FMN1: variants seen among roughly 807,000 people sequenced by gnomAD.
The protein encoded by FMN1 is formin-1.
A neutral mutation model predicts 132.4 loss-of-function variants in FMN1; 110 were observed. The ratio of observed to expected loss-of-function variants is 0.83; its 90% confidence interval spans 0.71 to 0.97. The LOEUF (loss-of-function observed/expected upper bound fraction) is 0.97. FMN1 is among the 50% of genes least tolerant of loss of function. The pLI is 0.00. For synonymous variants in FMN1, 722 were observed against 651.7 expected (o/e 1.11, Z -1.64); for missense variants, 1,792 against 1,705.3 (o/e 1.05, Z -0.90).
At chr15:32,982,464 CTAA>C (rs2032755661) in intron 7 of FMN1, among the ~76,000 whole-genome samples, 1 of 152,168 alleles carries the variant, frequency 6.6e-6, no homozygotes, top group African/African-American at 2.4e-5. Context: ...AATCCATATA[CTAA>C]TGTTTTTGGT....
chr15:33,043,170 C>T (rs1369324192), intron 6 of FMN1, among the ~76,000 whole-genome samples: 2 of 152,202 alleles, frequency 1.3e-5, no homozygotes, highest in South Asian at 2.1e-4. Flanking sequence ...GAGCAGCGAG[C>T]CATGGTGCCC....
In FMN1 at chr15:32,892,060, C is replaced by A. The variant is rs543803746; in HGVS notation, c.3715-3768G>T. ...GATGCCCTTCCTTTCTTTCTCTTGT[C>A]TGATTGCTCTGGCTAGGACTTCCAG... is the stretch of plus-strand genomic sequence containing the variant. On this transcript the variant is annotated intron_variant, in intron 15 of 20. Transcript: ENST00000616417. 1.2e-3 allele frequency among the ~76,000 whole-genome samples: 179 copies of A among 152,216 alleles called. 1 individual carries two copies. Among genetic ancestry groups the A allele is most frequent in the Non-Finnish European group, 3.1e-4 (21 of 68,016 alleles).
At chr15:33,010,210 G>C (rs1047581893) in intron 6 of FMN1, among the ~76,000 whole-genome samples, 1 of 152,084 alleles carries the variant, frequency 6.6e-6, no homozygotes, top group Non-Finnish European at 1.5e-5. Context: ...AGTCTCAGAA[G>C]GCCAACCACT....
intron 9 of FMN1, among the ~76,000 whole-genome samples, chr15:32,934,619 G>A (rs62000620): frequency 0.16 from 21,866 of 139,552 alleles, 2,202 homozygotes; most frequent in Non-Finnish European, 0.23. Flanking sequence ...TTTTTTTTGG[G>A]TGGGGAGGAC....
chr15:32,883,911 T>C (rs964295978), intron 16 of FMN1, among the ~76,000 whole-genome samples: 2 of 152,194 alleles, frequency 1.3e-5, no homozygotes, highest in African/African-American at 4.8e-5. Context: ...GTACAGAGCA[T>C]GTCCAGGTTT....
rs2056265367 is a variant in FMN1, at chr15:32,772,081, T to C, written c.*2229A>G. 1.3e-5 allele frequency: 2 copies of C among 152,134 alleles called. No homozygotes were observed. The highest frequency in any genetic ancestry group is 4.8e-5 in the African/African-American group (2 of 41,408). The allele number at this position is 152,134 out of a possible 1,614,324, so 9.4% of individuals were successfully genotyped here. On this transcript the variant is annotated 3_prime_UTR_variant, in exon 21 of 21. Coordinates refer to ENST00000616417, the MANE Select transcript of FMN1 (RefSeq NM_001277313.2). ...GCAGGCAAACCTTGCTTTGTAGAAA[T>C]AGGTATTTTACTGCAAAGTTTTAGT...
chr15:32,899,449 C>G (rs938972027), intron 14 of FMN1, among the ~76,000 whole-genome samples: 2 of 152,166 alleles, frequency 1.3e-5, no homozygotes, highest in Admixed American at 6.5e-5. Context: ...CACCCCCCTG[C>G]CCCCCATGGG....
In FMN1 at chr15:32,932,546, T is replaced by A. The variant is rs544319430; in HGVS notation, c.3139-6285A>T. Among the ~76,000 whole-genome samples the A allele has an allele frequency of 6.6e-5, 10 of 152,358 alleles. No homozygotes were observed. In the South Asian group the frequency reaches 2.1e-3, roughly 32 times the overall value. ...ATTTGGAAGGGTGACCTCTTCAATT[T>A]TTTGGAAGAGTTTGAGAAGCACTGC... On this transcript the variant is annotated intron_variant, in intron 9 of 20. Coordinates refer to ENST00000616417, the MANE Select transcript of FMN1 (RefSeq NM_001277313.2).
intron 17 of FMN1, among the ~76,000 whole-genome samples, chr15:32,819,722 G>A (rs1463336549): frequency 6.6e-6 from 1 of 151,928 alleles, no homozygotes; most frequent in Admixed American, 6.6e-5. Flanking sequence ...CAAAAGTTGG[G>A]CATTTAGGAT....
At chr15:32,863,922 C>A (rs1269778916) in intron 16 of FMN1, among the ~76,000 whole-genome samples, 1 of 152,138 alleles carries the variant, frequency 6.6e-6, no homozygotes, top group Non-Finnish European at 1.5e-5. Context: ...TAAGGAATTA[C>A]ATGAAATGCA....
rs373185751 is a variant in FMN1, at chr15:32,823,152, G to GTTTTTTTTTT, written c.3929-18830_3929-18821dup. On this transcript the variant is annotated intron_variant, in intron 17 of 20. Transcript: ENST00000616417. Reference sequence around the variant, plus strand: ...GTCTCAAAGACAGAGAGTTTCTACTGTTTTTTTTTTTTTTTTTTTTTTTTT... The same window carrying GTTTTTTTTTT: ...GTCTCAAAGACAGAGAGTTTCTACTGTTTTTTTTTTTTTTTTTTTTTTTTTTTTTTTTTTT... 7.2e-4 allele frequency among the ~76,000 whole-genome samples: 62 copies of GTTTTTTTTTT among 86,220 alleles called. 4 individuals carry two copies. The highest frequency in any genetic ancestry group is 3.3e-3 in the African/African-American group (61 of 18,744). The allele number at this position is 86,220 out of a possible 152,430, so 56.6% of individuals were successfully genotyped here.
intron 4 of FMN1, among the ~76,000 whole-genome samples, chr15:33,148,146 A>G (rs1250076108): frequency 1.3e-5 from 2 of 152,230 alleles, no homozygotes; most frequent in Non-Finnish European, 1.5e-5. Context: ...ACATATACCC[A>G]TATACCACAT....
At chr15:33,029,884 G>A (rs1255708013) in intron 6 of FMN1, among the ~76,000 whole-genome samples, 1 of 152,230 alleles carries the variant, frequency 6.6e-6, no homozygotes, top group Non-Finnish European at 1.5e-5. Context: ...AAGGCCAGGT[G>A]CGGTGGCTCA....
chr15:32,835,792 T>A (rs1411466788), intron 17 of FMN1, among the ~76,000 whole-genome samples: 3 of 152,206 alleles, frequency 2.0e-5, no homozygotes, highest in Non-Finnish European at 4.4e-5. Context: ...TGTAAAGTCA[T>A]GAAAATAAGA....
chr15:32,958,908 G>A (rs1311075319), intron 9 of FMN1, among the ~76,000 whole-genome samples: 1 of 152,016 alleles, frequency 6.6e-6, no homozygotes, highest in African/African-American at 2.4e-5. Flanking sequence ...TGGGCGTGAT[G>A]GTGGGTGCCT....
At chr15:33,147,854 T>G (rs911632595) in intron 4 of FMN1, among the ~76,000 whole-genome samples, 1 of 152,198 alleles carries the variant, frequency 6.6e-6, no homozygotes, top group Admixed American at 6.5e-5. Context: ...AAAATTCTCT[T>G]TATGCTTTAC....
At chr15:33,067,746 A>C in intron 5 of FMN1, 1 of 1,614,010 alleles carries the variant, frequency 6.2e-7, no homozygotes, top group Non-Finnish European at 8.5e-7. Context: ...GGATTCACAG[A>C]TTCTAATTTA....
Position 32,926,160 on chromosome 15 carries a change from T to C in FMN1, c.3226+14A>G, listed in dbSNP as rs1308867324. The C allele has an allele frequency of 2.2e-6, 3 of 1,334,340 alleles. No homozygotes were observed. Among genetic ancestry groups the C allele is most frequent in the Non-Finnish European group, 2.1e-6 (2 of 956,504 alleles). 82.7% of individuals were successfully genotyped at this position (1,334,340 alleles called of 1,614,324 possible). A position where few individuals can be genotyped will look rare whatever the true frequency, so the allele number is the denominator to read the frequency against. On this transcript the variant is annotated intron_variant, in intron 10 of 20. Transcript: ENST00000616417. The stretch of plus-strand genomic sequence containing the variant: ...AATGGAAAAAGTAAAACAAAAGTGA[T>C]AGAAAAGACTTACCCTGTTGGATAT...
At chr15:32,796,085 G>A (rs553390209) in intron 19 of FMN1, among the ~76,000 whole-genome samples, 2 of 152,130 alleles carry the variant, frequency 1.3e-5, no homozygotes, top group Non-Finnish European at 2.9e-5. Context: ...ATTTTATGAG[G>A]GGAAGCTGTT....
Sources: gnomAD v4.1 joint callset for allele counts (sites outside exome capture counted in the v4.1 genomes callset) on GRCh38, gnomAD v4.1.1 for gene constraint, MANE v1.5 for transcripts, NCBI Gene and HGNC (gene_info 2026-07-23, HGNC 2026-07-21) for gene names.